Variants in FAM135B observed in about 807,000 individuals in gnomAD.
FAM135B encodes the protein family with sequence similarity 135 member B.
FAM135B carries 43 observed loss-of-function variants against 127.7 expected under a neutral mutation model. The ratio of observed to expected loss-of-function variants is 0.34; its 90% CI spans 0.26 to 0.43. The LOEUF (loss-of-function observed/expected upper bound fraction) is 0.43, where lower values mean the gene tolerates loss of function less well. Among genes scored for constraint, FAM135B ranks in the 20% least tolerant of loss-of-function variants. FAM135B has a pLI of 1.00. For synonymous variants in FAM135B, 670 were observed against 665.1 expected, an observed-to-expected ratio of 1.01 and a Z score of -0.11; for missense variants, 1,558 against 1,725.6, an observed-to-expected ratio of 0.90 and a Z score of 1.72.
At chr8:138,256,820 T>A (rs1023443449) in intron 4 of FAM135B, 61 bp from the exon 5 acceptor site, 1 of 1,267,214 alleles carries the variant, frequency 7.9e-7, no homozygotes, top group Non-Finnish European at 1.1e-6. Flanking sequence ...ATGAAATACT[T>A]AGCTGGTCTA....
chr8:138,252,521 C>T (rs1821771071), intron 5 of FAM135B, among the ~76,000 whole-genome samples: 1 of 152,048 alleles, frequency 6.6e-6, no homozygotes, highest in African/African-American at 2.4e-5. Flanking sequence ...GAATTTAAGC[C>T]ACATTAGTAA....
intron 4 of FAM135B, among the ~76,000 whole-genome samples, chr8:138,264,541 G>A (rs1223632603): frequency 2.6e-5 from 4 of 152,166 alleles, no homozygotes; most frequent in African/African-American, 9.7e-5. Flanking sequence ...AATAGAATAT[G>A]CATGATCGAT....
intron 1 of FAM135B, among the ~76,000 whole-genome samples, chr8:138,464,244 C>T (rs1322990740): frequency 2.0e-5 from 3 of 152,150 alleles, no homozygotes; most frequent in Non-Finnish European, 2.9e-5. Flanking sequence ...GATGGATACA[C>T]GGCTTGGACC....
intron 2 of FAM135B, among the ~76,000 whole-genome samples, chr8:138,344,897 A>T (rs551264934): frequency 1.3e-5 from 2 of 152,078 alleles, no homozygotes; most frequent in Non-Finnish European, 2.9e-5. Context: ...TTCTATGGCC[A>T]CCTGCACTTT....
At chr8:138,180,465 T>C (rs564236136) in intron 9 of FAM135B, among the ~76,000 whole-genome samples, 10 of 152,286 alleles carry the variant, frequency 6.6e-5, no homozygotes, top group Non-Finnish European at 1.5e-4. Flanking sequence ...GCCTCAGTTT[T>C]CCCATCTGTA....
intron 1 of FAM135B, among the ~76,000 whole-genome samples, chr8:138,376,271 C>T (rs946635016): frequency 2.0e-5 from 3 of 152,136 alleles, no homozygotes; most frequent in Non-Finnish European, 4.4e-5. Context: ...CTCCCTTCCT[C>T]ACAAAGACAA....
intron 1 of FAM135B, among the ~76,000 whole-genome samples, chr8:138,444,144 C>CA (rs1469066341): frequency 2.0e-5 from 3 of 152,168 alleles, no homozygotes; most frequent in African/African-American, 7.2e-5. Flanking sequence ...CACCCAGATT[C>CA]ATAAAGCAAG....
chr8:138,135,694 A>G (rs1443493796), intron 19 of FAM135B, among the ~76,000 whole-genome samples: 1 of 152,190 alleles, frequency 6.6e-6, no homozygotes, highest in Non-Finnish European at 1.5e-5. Flanking sequence ...TTAATGAAAT[A>G]CCATAGATGT....
intron 1 of FAM135B, among the ~76,000 whole-genome samples, chr8:138,453,010 T>C (rs867845424): frequency 6.6e-6 from 1 of 152,188 alleles, no homozygotes; most frequent in Non-Finnish European, 1.5e-5. Flanking sequence ...CTATGACTTA[T>C]GTGGGTTAAT....
intron 9 of FAM135B, among the ~76,000 whole-genome samples, chr8:138,192,945 A>C (rs1816267934): frequency 1.3e-5 from 2 of 152,232 alleles, no homozygotes; most frequent in South Asian, 2.1e-4. Context: ...ATCGAGGTTC[A>C]TAAAGATTAA....
intron 1 of FAM135B, chr8:138,439,361 G>A (rs1266484570): frequency 1.3e-5 from 2 of 152,130 alleles, no homozygotes; most frequent in Admixed American, 6.5e-5. Context: ...TCATCATTAG[G>A]TATGAATTCA....
intron 2 of FAM135B, among the ~76,000 whole-genome samples, chr8:138,348,695 C>T (rs1829580242): frequency 6.6e-6 from 1 of 152,158 alleles, no homozygotes; most frequent in African/African-American, 2.4e-5. Flanking sequence ...TAAAATCTAC[C>T]TTCTTTTCAC....
intron 3 of FAM135B, among the ~76,000 whole-genome samples, chr8:138,278,603 G>A (rs549186026): frequency 2.6e-5 from 3 of 114,232 alleles, no homozygotes; most frequent in East Asian, 2.7e-4. Flanking sequence ...TTGCTCTGTC[G>A]CCCAGGCTGG....
At chr8:138,473,393 C>A (rs1192774434) in intron 1 of FAM135B, among the ~76,000 whole-genome samples, 1 of 152,092 alleles carries the variant, frequency 6.6e-6, no homozygotes, top group Non-Finnish European at 1.5e-5. Flanking sequence ...TTTACACAAC[C>A]CTCCTGTATA....
chr8:138,315,716 A>G (rs1413359489), intron 2 of FAM135B, among the ~76,000 whole-genome samples: 3 of 152,232 alleles, frequency 2.0e-5, no homozygotes, highest in Non-Finnish European at 2.9e-5. Flanking sequence ...AACATGGATG[A>G]AACTGAAGAA....
intron 3 of FAM135B, 88 bp downstream of exon 3, chr8:138,310,753 G>T: frequency 8.4e-7 from 1 of 1,191,524 alleles, no homozygotes; most frequent in Non-Finnish European, 1.2e-6. Context: ...ATGTCTACAT[G>T]CCTTGCACTC....
At chr8:138,445,879 T>TG (rs1836123280) in intron 1 of FAM135B, among the ~76,000 whole-genome samples, 1 of 152,200 alleles carries the variant, frequency 6.6e-6, no homozygotes, top group African/African-American at 2.4e-5. Flanking sequence ...TGTTTGCAGA[T>TG]GACATAATTG....
chr8:138,387,919 A>G (rs2131313000), intron 1 of FAM135B, among the ~76,000 whole-genome samples: 1 of 152,334 alleles, frequency 6.6e-6, no homozygotes, highest in East Asian at 1.9e-4. Context: ...TTCTCTGGTT[A>G]CAAAATCCCA....
intron 5 of FAM135B, among the ~76,000 whole-genome samples, chr8:138,255,405 A>G (rs1822000749): frequency 1.3e-5 from 2 of 152,156 alleles, no homozygotes; most frequent in Admixed American, 1.3e-4. Flanking sequence ...CCCTTTGCCT[A>G]AGCCAAGGGA....
Sources: allele counts gnomAD v4.1 joint callset (sites outside exome capture counted in the v4.1 genomes callset), GRCh38; gene constraint gnomAD v4.1.1; transcripts MANE v1.5; gene names NCBI Gene and HGNC (gene_info 2026-07-23, HGNC 2026-07-21).